The following GRK7 variants were observed in gnomAD, a reference collection of about 807,000 sequenced individuals.
GRK7 encodes the protein rhodopsin kinase GRK7.
GRK7 carries 24 observed loss-of-function variants against 34.1 expected under a neutral mutation model. The ratio of observed to expected loss-of-function variants is 0.70; its 90% CI spans 0.51 to 0.99. The LOEUF (loss-of-function observed/expected upper bound fraction) is 0.99, where lower values mean the gene tolerates loss of function less well. GRK7 is among the 50% of genes least tolerant of loss of function. The probability of loss-of-function intolerance (pLI) is 0.00; values close to 1 mark genes in which losing one functional copy is unlikely to be tolerated. For synonymous variants in GRK7, 256 were observed against 279.4 expected, an observed-to-expected ratio of 0.92 and a Z score of 0.84; for missense variants, 644 against 707.3, an observed-to-expected ratio of 0.91 and a Z score of 1.02.
At chr3:141,801,412 A>C (rs1039080613) in intron 4 of GRK7, among the ~76,000 whole-genome samples, 2 of 151,930 alleles carry the variant, frequency 1.3e-5, no homozygotes, top group African/African-American at 4.8e-5. Context: ...GGGAAACTAC[A>C]GTTTGGCCCC....
intron 4 of GRK7, among the ~76,000 whole-genome samples, chr3:141,806,424 G>A (rs1248199173): frequency 3.3e-5 from 5 of 152,042 alleles, no homozygotes; most frequent in South Asian, 2.1e-4. Context: ...TTAGCCAGGC[G>A]TGGTGGCAGG....
intron 4 of GRK7, among the ~76,000 whole-genome samples, chr3:141,789,802 A>G (rs2084715177): frequency 6.6e-6 from 1 of 152,088 alleles, no homozygotes; most frequent in Non-Finnish European, 1.5e-5. Context: ...TCTACATATG[A>G]GCTGAGCCTC....
At chr3:141,816,674 G>A in intron 5 of GRK7, 40 bp from the exon 6 acceptor site, 1 of 1,305,540 alleles carries the variant, frequency 7.7e-7, no homozygotes, top group Non-Finnish European at 1.0e-6. Flanking sequence ...ATTTTGTTTT[G>A]TTAACTCTGT....
the GRK7 span, among the ~76,000 whole-genome samples, chr3:141,751,493 A>G: frequency 0.011 from 1,653 of 152,312 alleles, 28 homozygotes; most frequent in East Asian, 0.07. Context: ...GAGAGAAACC[A>G]TATTCTACTA....
At chr3:141,762,355 T>G (rs1366455318), upstream of GRK7, among the ~76,000 whole-genome samples, 3 of 147,378 alleles carry the variant, frequency 2.0e-5, no homozygotes, top group Non-Finnish European at 4.5e-5. Flanking sequence ...CAGCTGCAGG[T>G]CTGTTGGAAT....
intron 4 of GRK7, among the ~76,000 whole-genome samples, chr3:141,801,429 T>C (rs1710964998): frequency 6.6e-6 from 1 of 151,784 alleles, no homozygotes. Context: ...CCCCTTTTTT[T>C]CAACAAAAAC....
chr3:141,780,457 C>T lies in GRK7; in HGVS notation c.696C>T (p.Gly232=), dbSNP rs758207753. Residue 232 remains glycine (G), a synonymous_variant, in exon 4 of 6, where the codon GGC becomes GGT. Coordinates refer to ENST00000682958, the MANE Select transcript of GRK7 (RefSeq NM_139209.3). ...LDKKRLKKKG[G]EKMALLEKEI... is the part of the protein sequence containing the mutation. Reference sequence around the variant, plus strand: ...AGAAGCGGCTGAAGAAGAAAGGTGGCGAGAAGATGGCTCTCTTGGAAAAGG... The same window carrying T: ...AGAAGCGGCTGAAGAAGAAAGGTGGTGAGAAGATGGCTCTCTTGGAAAAGG... 3.1e-5 allele frequency: 50 copies of T among 1,614,064 alleles called. 1 individual carries two copies. The highest frequency in any genetic ancestry group is 2.5e-4 in the Admixed American group (15 of 60,004).
chr3:141,757,126 C>CTTTTTTTT, the GRK7 span, among the ~76,000 whole-genome samples: 2 of 92,584 alleles, frequency 2.2e-5, no homozygotes, highest in South Asian at 4.5e-4. Context: ...CTTAGATCTT[C>CTTTTTTTT]TTCTTTTTTT....
intron 1 of GRK7, among the ~76,000 whole-genome samples, chr3:141,766,264 C>T (rs1412707131): frequency 1.3e-5 from 2 of 152,004 alleles, no homozygotes; most frequent in East Asian, 3.9e-4. Context: ...CACGGGTTCA[C>T]GCCATTCTCC....
At chr3:141,801,669 A>G (rs1222071953) in intron 4 of GRK7, among the ~76,000 whole-genome samples, 7 of 152,200 alleles carry the variant, frequency 4.6e-5, no homozygotes, top group African/African-American at 1.4e-4. Context: ...AGATAATGTT[A>G]TTGTAGTGCT....
At chr3:141,813,606 A>T (rs1447209378) in intron 5 of GRK7, among the ~76,000 whole-genome samples, 1 of 152,026 alleles carries the variant, frequency 6.6e-6, no homozygotes, top group African/African-American at 2.4e-5. Context: ...CCCTTGTAGC[A>T]CCTTTTGATC....
At chr3:141,783,640 T>C (rs936472005) in intron 4 of GRK7, among the ~76,000 whole-genome samples, 1 of 151,480 alleles carries the variant, frequency 6.6e-6, no homozygotes, top group African/African-American at 2.4e-5. Flanking sequence ...GATCTAGAAG[T>C]AGGGAATGAG....
In GRK7 at chr3:141,778,483, C is replaced by T. The variant is rs751671473; in HGVS notation, c.199C>T (p.Arg67Cys). The stretch of plus-strand genomic sequence containing the variant: ...CCTGTGTGAGCAGCAGCCCATCGGT[C>T]GCCGCCTCTTCCGTGACTTCCTAGC... The part of the protein sequence containing the change: ...HSLCEQQPIG[R>C]RLFRDFLATV... Residue 67 changes from arginine to cysteine, a missense_variant, in exon 3 of 6, where the codon CGC (arginine) becomes TGC (cysteine). Arg to Cys is a radical substitution (Grantham distance 180). Transcript: ENST00000682958. This position sits in a 1 kb window ranked among gnomAD's most constrained non-coding sequence, Gnocchi z 4.1. The T allele has an allele frequency of 6.2e-7, 1 of 1,613,128 alleles. No individual in the cohort carries two copies. Among genetic ancestry groups the T allele is most frequent in the Admixed American group, 1.7e-5 (1 of 60,024 alleles).
intron 1 of GRK7, among the ~76,000 whole-genome samples, chr3:141,772,476 T>C (rs879607032): frequency 3.9e-5 from 6 of 152,232 alleles, no homozygotes; most frequent in Non-Finnish European, 8.8e-5. Flanking sequence ...TCTAAGACCA[T>C]ATAGCACTGC....
chr3:141,796,111 T>A (rs1281282054), intron 4 of GRK7, among the ~76,000 whole-genome samples: 1 of 152,200 alleles, frequency 6.6e-6, no homozygotes, highest in Non-Finnish European at 1.5e-5. Flanking sequence ...AGCATTTGAA[T>A]CCTGGTTCTG....
the GRK7 span, among the ~76,000 whole-genome samples, chr3:141,754,543 C>T: frequency 1.1e-4 from 16 of 150,944 alleles, no homozygotes; most frequent in East Asian, 9.8e-4. Context: ...TGGGTTCGAG[C>T]GATTCTTGTG....
chr3:141,808,410 AT>A (rs1309503218), intron 5 of GRK7, among the ~76,000 whole-genome samples: 2 of 152,176 alleles, frequency 1.3e-5, no homozygotes, highest in Admixed American at 1.3e-4. Flanking sequence ...GAGTAGTCGA[AT>A]TCATAGAGAC....
chr3:141,772,246 C>T (rs917777433), intron 1 of GRK7, among the ~76,000 whole-genome samples: 1 of 152,120 alleles, frequency 6.6e-6, no homozygotes, highest in Non-Finnish European at 1.5e-5. Context: ...AGGCATGCGC[C>T]ACCATGCGCG....
In GRK7 at chr3:141,777,322, C is replaced by CTTTTTTTTTTT. The variant is rs770173065; in HGVS notation, c.-113-840_-113-830dup. Among the ~76,000 whole-genome samples the CTTTTTTTTTTT allele has an allele frequency of 4.9e-3, 260 of 52,868 alleles. 70 individuals are homozygous for CTTTTTTTTTTT. The highest frequency in any genetic ancestry group is 0.022 in the African/African-American group (245 of 11,158). 34.7% of individuals were successfully genotyped at this position (52,868 alleles called of 152,430 possible). On this transcript the variant is annotated intron_variant, in intron 2 of 5. Transcript: ENST00000682958. ...TATGTTTTGGGTGGAGATGGCCCCTCTTTTTTTTTTTTTTTTTTTTGAGAC... is the reference window on the plus strand; with the variant it reads ...TATGTTTTGGGTGGAGATGGCCCCTCTTTTTTTTTTTTTTTTTTTTTTTTTTTTTTTGAGAC...
Sources: gnomAD v4.1 joint callset for allele counts (sites outside exome capture counted in the v4.1 genomes callset) on GRCh38, gnomAD v4.1.1 for gene constraint, Gnocchi (gnomAD v3.1) non-coding constraint, MANE v1.5 for transcripts, NCBI Gene and HGNC (gene_info 2026-07-23, HGNC 2026-07-21) for gene names.